ALCAM: variants seen among roughly 807,000 people sequenced by gnomAD.
ALCAM encodes activated leukocyte cell adhesion molecule.
Under a neutral mutation model 70.9 loss-of-function variants are expected in ALCAM, and 30 were observed. That is an observed-to-expected ratio of 0.42 (90% confidence interval 0.32 to 0.57). The LOEUF is 0.57. Among genes scored for constraint, ALCAM ranks in the 20% least tolerant of loss-of-function variants. The probability of loss-of-function intolerance (pLI) is 0.11; values close to 1 mark genes in which losing one functional copy is unlikely to be tolerated. For missense variants in ALCAM, 591 were observed against 695.1 expected (o/e 0.85, Z 1.68); for synonymous variants, 249 against 242.5 (o/e 1.03, Z -0.25).
intron 1 of ALCAM, among the ~76,000 whole-genome samples, chr3:105,432,144 C>T (rs1451138150): frequency 6.6e-6 from 1 of 152,062 alleles, no homozygotes; most frequent in African/African-American, 2.4e-5. Context: ...ATGAGGTCTC[C>T]ATGGAAATGC....
intron 14 of ALCAM, among the ~76,000 whole-genome samples, chr3:105,566,737 G>GT (rs1472625341): frequency 6.6e-6 from 1 of 151,950 alleles, no homozygotes; most frequent in Non-Finnish European, 1.5e-5. Flanking sequence ...TGTCACATCT[G>GT]TTTTATCTGC....
intron 1 of ALCAM, among the ~76,000 whole-genome samples, chr3:105,434,200 C>T (rs1936999821): frequency 6.6e-6 from 1 of 152,158 alleles, no homozygotes; most frequent in Non-Finnish European, 1.5e-5. Context: ...TGTGCTAACA[C>T]AGAGCTTTTC....
intron 14 of ALCAM, among the ~76,000 whole-genome samples, chr3:105,555,016 T>C (rs1940487326): frequency 6.6e-6 from 1 of 151,960 alleles, no homozygotes; most frequent in South Asian, 2.1e-4. Context: ...ATCCAGTATC[T>C]CATCAGACAC....
chr3:105,518,933 G>T (rs2152622344), intron 1 of ALCAM, among the ~76,000 whole-genome samples: 1 of 152,200 alleles, frequency 6.6e-6, no homozygotes, highest in East Asian at 1.9e-4. Flanking sequence ...ACAGTCGAAA[G>T]ATGGTATCCT....
At chr3:105,536,330 G>T (rs1230958789) in intron 6 of ALCAM, among the ~76,000 whole-genome samples, 1 of 152,088 alleles carries the variant, frequency 6.6e-6, no homozygotes, top group African/African-American at 2.4e-5. Context: ...CTGACCTCAG[G>T]TGATCTGCCC....
intron 1 of ALCAM, among the ~76,000 whole-genome samples, chr3:105,516,989 A>G (rs1939398147): frequency 6.6e-6 from 1 of 152,126 alleles, no homozygotes; most frequent in Non-Finnish European, 1.5e-5. Context: ...CAATTCAAAG[A>G]TAAAAAGCTG....
chr3:105,403,572 G>T (rs753384077), intron 1 of ALCAM, among the ~76,000 whole-genome samples: 2 of 152,048 alleles, frequency 1.3e-5, no homozygotes, highest in African/African-American at 4.8e-5. Context: ...TGGGACAAAA[G>T]AATCTGAACA....
chr3:105,550,882 C>T (rs1940385919), intron 12 of ALCAM, among the ~76,000 whole-genome samples: 1 of 151,618 alleles, frequency 6.6e-6, no homozygotes, highest in African/African-American at 2.4e-5. Context: ...CAGGGTAATA[C>T]ATACATACCA....
intron 1 of ALCAM, among the ~76,000 whole-genome samples, chr3:105,417,028 T>A: frequency 6.6e-6 from 1 of 151,938 alleles, no homozygotes; most frequent in Non-Finnish European, 1.5e-5. Flanking sequence ...GCATGACATG[T>A]CCTTTGCCTA....
intron 1 of ALCAM, among the ~76,000 whole-genome samples, chr3:105,484,812 C>A (rs1228361086): frequency 6.6e-6 from 1 of 152,044 alleles, no homozygotes; most frequent in East Asian, 1.9e-4. Context: ...TGGACATGTG[C>A]CACCAGAAGA....
At chr3:105,564,999 C>G (rs530677431) in intron 14 of ALCAM, among the ~76,000 whole-genome samples, 1 of 152,050 alleles carries the variant, frequency 6.6e-6, no homozygotes, top group African/African-American at 2.4e-5. Context: ...CACTGCACTC[C>G]AGCCCGGGCA....
At chr3:105,555,832 A>G (rs1200591168) in intron 14 of ALCAM, among the ~76,000 whole-genome samples, 1 of 151,942 alleles carries the variant, frequency 6.6e-6, no homozygotes, top group Admixed American at 6.6e-5. Flanking sequence ...ATTTAGGAGT[A>G]AGGACTCATG....
chr3:105,509,181 G>A (rs1939166254), intron 1 of ALCAM, among the ~76,000 whole-genome samples: 1 of 151,986 alleles, frequency 6.6e-6, no homozygotes, highest in Admixed American at 6.6e-5. Flanking sequence ...AGTGAACAGG[G>A]GAGTACAGGC....
intron 15 of ALCAM, among the ~76,000 whole-genome samples, chr3:105,573,401 A>G (rs1391066450): frequency 1.3e-5 from 2 of 152,232 alleles, no homozygotes; most frequent in Non-Finnish European, 2.9e-5. Context: ...TATACAGCCA[A>G]TATCCCAAAT....
intron 1 of ALCAM, among the ~76,000 whole-genome samples, chr3:105,519,349 C>A (rs1037405824): frequency 7.2e-5 from 11 of 151,786 alleles, no homozygotes; most frequent in African/African-American, 2.4e-4. Context: ...TAAGATGAGG[C>A]AGTTTTCTGT....
intron 1 of ALCAM, among the ~76,000 whole-genome samples, chr3:105,498,083 A>G (rs1938808466): frequency 6.6e-6 from 1 of 151,682 alleles, no homozygotes; most frequent in South Asian, 2.1e-4. Flanking sequence ...AGCACCCACC[A>G]TGTTCCAGGT....
intron 13 of ALCAM, 107 bp from the exon 14 acceptor site, chr3:105,552,361 A>T: frequency 7.6e-7 from 1 of 1,315,346 alleles, no homozygotes; most frequent in Non-Finnish European, 1.1e-6. Context: ...CATGTTAATT[A>T]CTGTAGTGAG....
chr3:105,421,146 A>G (rs1227797123), intron 1 of ALCAM, among the ~76,000 whole-genome samples: 2 of 151,522 alleles, frequency 1.3e-5, no homozygotes, highest in African/African-American at 4.8e-5. Flanking sequence ...TAACCCTCTC[A>G]GGTAAGAGTT....
chr3:105,411,486 G>A (rs1936390106), intron 1 of ALCAM, among the ~76,000 whole-genome samples: 2 of 152,038 alleles, frequency 1.3e-5, no homozygotes, highest in South Asian at 4.1e-4. Flanking sequence ...TAGTAACAAT[G>A]GCATCAGGAG....
Sources: gnomAD v4.1 joint callset for allele counts (sites outside exome capture counted in the v4.1 genomes callset) on GRCh38, gnomAD v4.1.1 for gene constraint, MANE v1.5 for transcripts, NCBI Gene and HGNC (gene_info 2026-07-23, HGNC 2026-07-21) for gene names.